MCM5: variants seen among roughly 807,000 people sequenced by gnomAD.
MCM5 encodes DNA replication licensing factor MCM5.
A neutral mutation model predicts 79.9 loss-of-function variants in MCM5; 46 were observed. That is an observed-to-expected ratio of 0.58 (90% CI 0.45 to 0.74). The LOEUF (loss-of-function observed/expected upper bound fraction) is 0.74. Ranked by LOEUF, MCM5 falls within the 30% of genes least tolerant of loss-of-function variation. The pLI, the probability that MCM5 is intolerant of heterozygous loss-of-function variation, is 0.00. For missense variants in MCM5, 883 were observed against 1,017.0 expected (o/e 0.87, Z 1.79); for synonymous variants, 404 against 390.5 (o/e 1.03, Z -0.41).
rs901292877 is a variant in MCM5 at position 35,403,946 on chromosome 22, A to AG, written c.423+404_423+405insG. Among the ~76,000 whole-genome samples, 12 of 151,342 alleles carry AG rather than the reference A, an allele frequency of 7.9e-5. No individual in the cohort carries two copies. In the South Asian group the frequency reaches 1.0e-3, roughly 13 times the overall value. The stretch of plus-strand genomic sequence containing the variant: ...TGGCTCTCCAAAAAACAAAACAAAA[A>AG]AAAAACAAAAAAAACAAAGCTAGGT... On this transcript the variant is annotated intron_variant, in intron 4 of 16. Transcript: ENST00000216122.
At chr22:35,448,815 C>A in the MCM5 span, among the ~76,000 whole-genome samples, 3 of 152,200 alleles carry the variant, frequency 2.0e-5, no homozygotes, top group Non-Finnish European at 4.4e-5. Flanking sequence ...AGTGACTAGA[C>A]CGGGCTTAGC....
chr22:35,414,068 C>CACAGG, intron 9 of MCM5, 82 bp downstream of exon 9: 2 of 828,388 alleles, frequency 2.4e-6, no homozygotes, highest in Non-Finnish European at 4.1e-6. Context: ...CTCAGGACAC[C>CACAGG]TGTGGTGGGC....
In MCM5 at chr22:35,402,758, G is replaced by A. The variant is rs1416469564; in HGVS notation, c.168-449G>A. ...TGGGTGTTGCCATGTGGCCCAGGCT[G>A]GTGTTGAACTCCTGGCCTCAAGTAA... On this transcript the variant is annotated intron_variant, in intron 2 of 16. Transcript: ENST00000216122. 1.1e-4 allele frequency among the ~76,000 whole-genome samples: 16 copies of A among 152,268 alleles called. No homozygotes were observed. The South Asian group carries it at 2.9e-3, about 28-fold the overall frequency.
rs1367619157 is a variant in MCM5 at position 35,417,726 on chromosome 22, AT to A, written c.1591-17del. ...GGGACGGCCTGTGGGATGACCCATT[AT>A]CCCCTCTGCTCTCCAGATGCTGGCC... On this transcript the variant is annotated splice_polypyrimidine_tract_variant and intron_variant, in intron 12 of 16. Coordinates refer to ENST00000216122, the MANE Select transcript of MCM5 (RefSeq NM_006739.4). 1.9e-6 allele frequency: 3 copies of A among 1,579,810 alleles called. No homozygotes were observed. Among genetic ancestry groups the A allele is most frequent in the South Asian group, 1.1e-5 (1 of 90,372 alleles).
intron 8 of MCM5, among the ~76,000 whole-genome samples, 154 bp downstream of exon 8, chr22:35,412,835 C>T (rs1932426626): frequency 6.6e-6 from 1 of 152,210 alleles, no homozygotes; most frequent in Non-Finnish European, 1.5e-5. Flanking sequence ...AGCTTGCCAT[C>T]AGCTGGCTAG....
rs1254246123 is a variant in MCM5, at chr22:35,416,099, C to G, written c.1347+127C>G. The G allele has an allele frequency of 6.0e-5, 75 of 1,247,118 alleles. No individual in the cohort carries two copies. The South Asian group carries it at 7.6e-4, about 13-fold the overall frequency. 77.3% of individuals were successfully genotyped at this position (1,247,118 alleles called of 1,614,324 possible). On this transcript the variant is annotated intron_variant, in intron 10 of 16. Coordinates refer to ENST00000216122, the MANE Select transcript of MCM5 (RefSeq NM_006739.4). ...GTTTTCAATCCCTGGGCCGGTCACT[C>G]TAGTAACTGTGGGAAGCTGCTTAAC... is the stretch of plus-strand genomic sequence containing the variant.
chr22:35,423,608 T>G, intron 16 of MCM5: 28 of 282,858 alleles, frequency 9.9e-5, no homozygotes, highest in East Asian at 2.0e-4. Flanking sequence ...CCCATACAAG[T>G]TCCCCGCAGC....
intron 6 of MCM5, chr22:35,410,332 G>C (rs939340475): frequency 5.0e-6 from 1 of 199,312 alleles, no homozygotes; most frequent in African/African-American, 2.3e-5. Context: ...AAGGAGGCTG[G>C]GGGGCGTGAA....
chr22:35,424,301 C>CA lies in MCM5; in HGVS notation c.*46_*47insA. ...TCATGGACTCGCCCACGCCTCGCCC[C>CA]TCCTGCCGCTGCCTGCCATTGACAA... On this transcript the variant is annotated 3_prime_UTR_variant, in exon 17 of 17. Coordinates refer to ENST00000216122, the MANE Select transcript of MCM5 (RefSeq NM_006739.4). The CA allele has an allele frequency of 7.4e-7, 1 of 1,346,750 alleles. No homozygotes were observed. The highest frequency in any genetic ancestry group is 1.0e-6 in the Non-Finnish European group (1 of 980,156). 83.4% of individuals were successfully genotyped at this position (1,346,750 alleles called of 1,614,324 possible).
rs199930889 is a variant in MCM5, at chr22:35,400,585, G to T, written c.147G>T (p.Thr49=). The change falls in exon 2 of 17, where the codon ACG becomes ACT. Residue 49 remains threonine (T), a synonymous_variant. Transcript: ENST00000216122. ...LRQYRVGTDR[T]GFTFKYRDEL... ...AGTACCGAGTGGGCACCGACCGCAC[G>T]GGCTTCACCTTCAAATACAGGTGCG... 6.2e-7 allele frequency: 1 copy of T among 1,611,460 alleles called. No homozygotes were observed. The highest frequency in any genetic ancestry group is 2.2e-5 in the East Asian group (1 of 44,772).
chr22:35,423,084 C>CT (rs1398629304), intron 15 of MCM5, 130 bp from the exon 16 acceptor site: 2 of 995,668 alleles, frequency 2.0e-6, no homozygotes, highest in Non-Finnish European at 2.9e-6. Context: ...CCCTGGCACA[C>CT]TCGGTGCCCT....
chr22:35,452,722 G>A, the MCM5 span, among the ~76,000 whole-genome samples: 1 of 152,152 alleles, frequency 6.6e-6, no homozygotes, highest in Admixed American at 6.5e-5. Flanking sequence ...TAATCAGTCC[G>A]ACTCCTCCGC....
the MCM5 span, among the ~76,000 whole-genome samples, chr22:35,451,662 T>C: frequency 6.6e-6 from 1 of 152,198 alleles, no homozygotes; most frequent in Non-Finnish European, 1.5e-5. Flanking sequence ...GCCCCTGTCT[T>C]TGTTAACTCG....
chr22:35,436,875 A>G, the MCM5 span, among the ~76,000 whole-genome samples: 1 of 149,256 alleles, frequency 6.7e-6, no homozygotes. Flanking sequence ...GGGCCTAGAA[A>G]CCCAAGCTTT....
downstream of MCM5, among the ~76,000 whole-genome samples, chr22:35,430,115 G>A (rs184832397): frequency 6.6e-6 from 1 of 152,310 alleles, no homozygotes; most frequent in East Asian, 1.9e-4. Context: ...GCTGAACAGC[G>A]TTCACTGGTA....
At chr22:35,432,764 A>G in the MCM5 span, among the ~76,000 whole-genome samples, 5 of 150,666 alleles carry the variant, frequency 3.3e-5, no homozygotes, top group Non-Finnish European at 5.9e-5. Context: ...GGGGTTGGGG[A>G]TTGGGGCCAG....
rs1041441873 is a variant in MCM5 at position 35,424,400 on chromosome 22, G to A, written c.*145G>A. On this transcript the variant is annotated 3_prime_UTR_variant, in exon 17 of 17. Coordinates refer to ENST00000216122, the MANE Select transcript of MCM5 (RefSeq NM_006739.4). ...CACCCTCCTTTCTGCCCCAGAGGAA[G>A]GAGCTGTAGTGTCCTGCTGCCTCTG... 1.6e-6 allele frequency: 1 copy of A among 632,282 alleles called. No homozygotes were observed. Among genetic ancestry groups the A allele is most frequent in the South Asian group, 2.0e-5 (1 of 49,154 alleles). 39.2% of individuals were successfully genotyped at this position (632,282 alleles called of 1,614,324 possible).
the MCM5 span, among the ~76,000 whole-genome samples, chr22:35,433,285 A>T: frequency 6.6e-6 from 1 of 152,146 alleles, no homozygotes; most frequent in Non-Finnish European, 1.5e-5. Flanking sequence ...GCCCCAGAGG[A>T]TCCAGGCAGT....
At chr22:35,402,856 T>C (rs1042845634) in intron 2 of MCM5, among the ~76,000 whole-genome samples, 1 of 152,216 alleles carries the variant, frequency 6.6e-6, no homozygotes, top group Non-Finnish European at 1.5e-5. Context: ...AAGTTTGAGC[T>C]GTGTGCATTG....
Sources: allele counts gnomAD v4.1 joint callset (sites outside exome capture counted in the v4.1 genomes callset), GRCh38; gene constraint gnomAD v4.1.1; transcripts MANE v1.5; gene names NCBI Gene and HGNC (gene_info 2026-07-23, HGNC 2026-07-21).